Variants in CDC42BPA observed in about 807,000 individuals in gnomAD.
CDC42BPA encodes the protein CDC42 binding protein kinase alpha, also known as serine/threonine-protein kinase MRCK alpha.
A neutral mutation model predicts 223.5 loss-of-function variants in CDC42BPA; 80 were observed. That is an observed-to-expected ratio of 0.36 (90% CI 0.30 to 0.43). The LOEUF (loss-of-function observed/expected upper bound fraction) is 0.43, where lower values mean the gene tolerates loss of function less well. CDC42BPA is among the 20% of genes least tolerant of loss of function. The probability of loss-of-function intolerance (pLI) is 1.00; values close to 1 mark genes in which losing one functional copy is unlikely to be tolerated. For synonymous variants in CDC42BPA, 694 were observed against 718.6 expected (o/e 0.97, Z 0.55); for missense variants, 1,743 against 2,099.9 (o/e 0.83, Z 3.32).
At chr1:227,048,408 C>T (rs527369917) in intron 22 of CDC42BPA, among the ~76,000 whole-genome samples, 10 of 151,858 alleles carry the variant, frequency 6.6e-5, no homozygotes, top group Non-Finnish European at 1.0e-4. Context: ...TTAGAAGATT[C>T]TTTTAACTAC....
At chr1:227,271,585 T>C (rs1685962422) in intron 1 of CDC42BPA, among the ~76,000 whole-genome samples, 1 of 152,194 alleles carries the variant, frequency 6.6e-6, no homozygotes, top group African/African-American at 2.4e-5. Context: ...TGGAAATTCC[T>C]AACTGGCATT....
At chr1:227,052,636 T>C (rs1031958828) in intron 21 of CDC42BPA, among the ~76,000 whole-genome samples, 1 of 152,198 alleles carries the variant, frequency 6.6e-6, no homozygotes, top group African/African-American at 2.4e-5. Flanking sequence ...GTTTCAGAGT[T>C]ACTAGGATTG....
At chr1:227,140,970 G>C (rs1659556691) in intron 9 of CDC42BPA, among the ~76,000 whole-genome samples, 1 of 152,140 alleles carries the variant, frequency 6.6e-6, no homozygotes, top group Non-Finnish European at 1.5e-5. Context: ...GGAGGGATCA[G>C]GTATGGAGAC....
At chr1:227,245,782 A>G (rs1194578405) in intron 2 of CDC42BPA, among the ~76,000 whole-genome samples, 2 of 152,112 alleles carry the variant, frequency 1.3e-5, no homozygotes, top group Non-Finnish European at 2.9e-5. Flanking sequence ...CTGACTAAAG[A>G]GTTCTTGGGC....
rs1021655528 is a variant in CDC42BPA at position 227,199,542 on chromosome 1, A to C, written c.450+15T>G. The C allele has an allele frequency of 1.4e-6, 2 of 1,409,362 alleles. No individual in the cohort carries two copies. The highest frequency in any genetic ancestry group is 2.3e-5 in the East Asian group (1 of 43,474). 87.3% of individuals were successfully genotyped at this position (1,409,362 alleles called of 1,614,324 possible). ...ACAAAAAAACAGTATATAGAAATAC[A>C]AAAATGATTCTTACTAAGTTATTGT... On this transcript the variant is annotated intron_variant, in intron 4 of 36. Coordinates refer to ENST00000366766, the MANE Select transcript of CDC42BPA (RefSeq NM_001394014.1).
Position 227,317,993 on chromosome 1 carries a change from T to G in CDC42BPA, c.-811A>C. On this transcript the variant is annotated 5_prime_UTR_variant, in exon 1 of 37. Coordinates refer to ENST00000366766, the MANE Select transcript of CDC42BPA (RefSeq NM_001394014.1). ...GTGGAAGGCGGGCTGCGGGCGGCAC[T>G]GGCACCGGGCTCCGGAGAAGCGGCT... is the stretch of plus-strand genomic sequence containing the variant. 5.2e-6 allele frequency: 2 copies of G among 388,128 alleles called. No homozygotes were observed. 24.0% of individuals were successfully genotyped at this position (388,128 alleles called of 1,614,324 possible).
chr1:227,258,176 GAA>G lies in CDC42BPA; in HGVS notation c.179-4023_179-4022del, dbSNP rs60156840. ...GGCAACAGGGTGAAACCCTGTCCGG[GAA>G]AAAAAAAAAAAAAAAAGAACTGAAA... is the stretch of plus-strand genomic sequence containing the variant. On this transcript the variant is annotated intron_variant, in intron 1 of 36. Coordinates refer to ENST00000366766, the MANE Select transcript of CDC42BPA (RefSeq NM_001394014.1). Among the ~76,000 whole-genome samples, 37 of 108,086 alleles carry G rather than the reference GAA, an allele frequency of 3.4e-4. No homozygotes were observed. In the South Asian group the frequency reaches 8.3e-3, roughly 24 times the overall value. The allele number at this position is 108,086 out of a possible 152,430, so 70.9% of individuals were successfully genotyped here. A position where few individuals can be genotyped will look rare whatever the true frequency, so the allele number is the denominator to read the frequency against.
chr1:227,260,073 T>C (rs949348749), intron 1 of CDC42BPA, among the ~76,000 whole-genome samples: 1 of 150,230 alleles, frequency 6.7e-6, no homozygotes, highest in Non-Finnish European at 1.5e-5. Flanking sequence ...TAATATAAAT[T>C]CCTGAATATT....
chr1:227,084,411 C>G (rs993396161), intron 16 of CDC42BPA, among the ~76,000 whole-genome samples: 1 of 151,738 alleles, frequency 6.6e-6, no homozygotes, highest in African/African-American at 2.4e-5. Context: ...GCCTTTAATC[C>G]CAGCTACTTG....
At chr1:227,184,725 G>T (rs780064844) in intron 5 of CDC42BPA, among the ~76,000 whole-genome samples, 2 of 151,866 alleles carry the variant, frequency 1.3e-5, no homozygotes, top group Non-Finnish European at 2.9e-5. Flanking sequence ...TTGAGAGACT[G>T]CAATAAACCT....
intron 15 of CDC42BPA, among the ~76,000 whole-genome samples, chr1:227,096,698 T>C (rs1241416780): frequency 6.6e-6 from 1 of 152,228 alleles, no homozygotes; most frequent in Non-Finnish European, 1.5e-5. Flanking sequence ...TTTTCAGCTG[T>C]CTTTGTGACT....
At chr1:227,123,233 C>T (rs534325871) in intron 11 of CDC42BPA, among the ~76,000 whole-genome samples, 18 of 152,224 alleles carry the variant, frequency 1.2e-4, no homozygotes, top group African/African-American at 3.6e-4. Flanking sequence ...ACCTAGGAGG[C>T]GGAGGCTGCA....
At chr1:227,305,998 A>G (rs73098398) in intron 1 of CDC42BPA, among the ~76,000 whole-genome samples, 22,811 of 152,118 alleles carry the variant, frequency 0.15, 2,073 homozygotes, top group African/African-American at 0.24. Context: ...AGTGAAGAAA[A>G]AGAGAAGTAA....
intron 34 of CDC42BPA, among the ~76,000 whole-genome samples, chr1:227,008,954 G>A (rs991342624): frequency 6.6e-6 from 1 of 152,164 alleles, no homozygotes; most frequent in South Asian, 2.1e-4. Flanking sequence ...GAGCAACCCT[G>A]TAAGACGCAA....
At chr1:227,037,494 C>T (rs1483079604) in intron 24 of CDC42BPA, among the ~76,000 whole-genome samples, 1 of 152,176 alleles carries the variant, frequency 6.6e-6, no homozygotes, top group African/African-American at 2.4e-5. Flanking sequence ...GGATCTTTCA[C>T]TTTAGCTGTG....
At position 227,317,244 on chromosome 1, in the gene CDC42BPA, A is replaced by G; in HGVS notation, c.-62T>C. On this transcript the variant is annotated 5_prime_UTR_variant, in exon 1 of 37. Coordinates refer to ENST00000366766, the MANE Select transcript of CDC42BPA (RefSeq NM_001394014.1). Reference sequence around the variant, plus strand: ...TTATGATGACTTTTACTATTATCTGAACCTAAATTTTAAAAGGTATGGTTT... The same window carrying G: ...TTATGATGACTTTTACTATTATCTGGACCTAAATTTTAAAAGGTATGGTTT... The G allele has an allele frequency of 6.6e-7, 1 of 1,519,468 alleles. No homozygotes were observed. The highest frequency in any genetic ancestry group is 8.9e-7 in the Non-Finnish European group (1 of 1,123,796). The allele number at this position is 1,519,468 out of a possible 1,614,324, so 94.1% of individuals were successfully genotyped here.
intron 1 of CDC42BPA, among the ~76,000 whole-genome samples, chr1:227,311,996 T>C (rs1693622956): frequency 1.3e-5 from 2 of 152,214 alleles, no homozygotes; most frequent in Admixed American, 1.3e-4. Flanking sequence ...ACAGTCAACA[T>C]AGCATAGCTG....
chr1:227,145,595 A>G lies in CDC42BPA; in HGVS notation c.1037T>C (p.Ile346Thr), dbSNP rs1419923051. Residue 346 changes from isoleucine to threonine, a missense_variant, in exon 8 of 37, where the codon ATT (isoleucine) becomes ACT (threonine). Transcript: ENST00000366766. ...DFKKHPFFSG[I>T]DWDNIRNCEA... ...ACAGTTCCGAATATTATCCCAATCAATTCCACTGAAAAATGGGTGTTTCTT... is the reference window on the plus strand; with the variant it reads ...ACAGTTCCGAATATTATCCCAATCAGTTCCACTGAAAAATGGGTGTTTCTT... The G allele has an allele frequency of 1.2e-6, 2 of 1,613,850 alleles. No individual in the cohort carries two copies. The highest frequency in any genetic ancestry group is 2.2e-5 in the East Asian group (1 of 44,808).
chr1:227,209,266 T>C (rs1204154259), intron 3 of CDC42BPA, among the ~76,000 whole-genome samples: 2 of 150,258 alleles, frequency 1.3e-5, no homozygotes, highest in African/African-American at 4.9e-5. Flanking sequence ...GCTGAGACAA[T>C]GGGGTTTTCT....
Sources: gnomAD v4.1 joint callset for allele counts (sites outside exome capture counted in the v4.1 genomes callset) on GRCh38, gnomAD v4.1.1 for gene constraint, MANE v1.5 for transcripts, NCBI Gene and HGNC (gene_info 2026-07-23, HGNC 2026-07-21) for gene names.